Variants in CSMD1 observed in about 807,000 individuals in gnomAD.
CSMD1 encodes the protein CUB and sushi domain-containing protein 1.
CSMD1 carries 213 observed loss-of-function variants against 417.5 expected under a neutral mutation model. That is an observed-to-expected ratio of 0.51 (90% CI 0.46 to 0.57). The LOEUF (loss-of-function observed/expected upper bound fraction) is 0.57. Ranked by LOEUF, CSMD1 falls within the 20% of genes least tolerant of loss-of-function variation. The probability of loss-of-function intolerance (pLI) is 0.00; values close to 1 mark genes in which losing one functional copy is unlikely to be tolerated. For missense variants in CSMD1, 6,923 were observed against 4,529.7 expected (o/e 1.53, Z -15.17); for synonymous variants, 2,862 against 1,736.8 (o/e 1.65, Z -16.11).
At chr8:4,295,777 TATATATATATACAC>T (rs1165179664) in intron 3 of CSMD1, among the ~76,000 whole-genome samples, 7 of 91,098 alleles carry the variant, frequency 7.7e-5, no homozygotes, top group African/African-American at 2.2e-4. Flanking sequence ...TATATATATA[TATATATATATACAC>T]ACACACATCT....
chr8:3,307,613 T>G lies in CSMD1; in HGVS notation c.3950+82A>C, dbSNP rs532373987. ...AGTTCAGAAACTTTAACCATGGATA[T>G]TTGGTGTACCACTATCTCTGCTACA... On this transcript the variant is annotated intron_variant, in intron 25 of 69. Coordinates refer to ENST00000635120, the MANE Select transcript of CSMD1 (RefSeq NM_033225.6). 5.6e-5 allele frequency: 79 copies of G among 1,418,818 alleles called. No individual in the cohort carries two copies. The African/African-American group carries it at 8.9e-4, about 16-fold the overall frequency. The allele number at this position is 1,418,818 out of a possible 1,614,324, so 87.9% of individuals were successfully genotyped here. A position where few individuals can be genotyped will look rare whatever the true frequency, so the allele number is the denominator to read the frequency against.
Position 4,143,647 on chromosome 8 carries a change from T to C in CSMD1, c.416-111548A>G, listed in dbSNP as rs546722000. 1.3e-4 allele frequency among the ~76,000 whole-genome samples: 20 copies of C among 151,142 alleles called. 1 individual carries two copies. Among genetic ancestry groups the C allele is most frequent in the Admixed American group, 3.3e-4 (5 of 15,244 alleles). ...TACACCTGATACCGGAAGGAGAGCA[T>C]TGACTGTGAGTTCTCCAGGTTCTTG... On this transcript the variant is annotated intron_variant, in intron 3 of 69. Transcript: ENST00000635120.
At chr8:3,117,146 C>T (rs555291314) in intron 42 of CSMD1, among the ~76,000 whole-genome samples, 5 of 152,266 alleles carry the variant, frequency 3.3e-5, no homozygotes, top group Middle Eastern at 3.4e-3. Flanking sequence ...TCTCAGGGCA[C>T]TGCAACCTCA....
At chr8:3,985,005 C>G (rs754508805) in intron 5 of CSMD1, among the ~76,000 whole-genome samples, 67 of 151,950 alleles carry the variant, frequency 4.4e-4, no homozygotes, top group Non-Finnish European at 8.8e-5. Flanking sequence ...GGGAAAATCA[C>G]GGATCTCATA....
At chr8:4,507,724 G>C (rs1026310273) in intron 2 of CSMD1, among the ~76,000 whole-genome samples, 1 of 152,166 alleles carries the variant, frequency 6.6e-6, no homozygotes, top group South Asian at 2.1e-4. Flanking sequence ...ACATTTTCAA[G>C]CTAAGAGGTA....
chr8:3,384,020 A>G (rs1810806317), intron 18 of CSMD1, among the ~76,000 whole-genome samples: 2 of 152,108 alleles, frequency 1.3e-5, no homozygotes, highest in Non-Finnish European at 2.9e-5. Context: ...CACTAGTGCC[A>G]GACAATTAAG....
intron 1 of CSMD1, among the ~76,000 whole-genome samples, chr8:4,870,338 C>G (rs1350114517): frequency 6.6e-6 from 1 of 152,136 alleles, no homozygotes; most frequent in Non-Finnish European, 1.5e-5. Context: ...AGGCAACAAT[C>G]ATATTTTTAT....
intron 3 of CSMD1, among the ~76,000 whole-genome samples, chr8:4,110,076 G>A (rs1426228573): frequency 1.3e-5 from 2 of 152,264 alleles, no homozygotes; most frequent in East Asian, 3.9e-4. Context: ...TGATCACGTG[G>A]AATAATAAGC....
chr8:4,159,503 T>C (rs1365930616), intron 3 of CSMD1, among the ~76,000 whole-genome samples: 1 of 152,204 alleles, frequency 6.6e-6, no homozygotes, highest in African/African-American at 2.4e-5. Context: ...ATAAAGAAAC[T>C]GTGGTATATA....
At chr8:3,627,965 T>C (rs962429966) in intron 7 of CSMD1, among the ~76,000 whole-genome samples, 4 of 152,192 alleles carry the variant, frequency 2.6e-5, no homozygotes, top group Admixed American at 2.6e-4. Context: ...ACTTCACACT[T>C]CGCTAATATT....
chr8:3,650,287 AAAG>A (rs1391869246), intron 7 of CSMD1, among the ~76,000 whole-genome samples: 1 of 151,830 alleles, frequency 6.6e-6, no homozygotes, highest in African/African-American at 2.4e-5. Context: ...CAGAAAAAAA[AAAG>A]AAAAGTAAAG....
At chr8:3,071,397 T>C (rs948164582) in intron 49 of CSMD1, among the ~76,000 whole-genome samples, 2 of 152,128 alleles carry the variant, frequency 1.3e-5, no homozygotes, top group African/African-American at 4.8e-5. Context: ...AAATACCTAA[T>C]GAATGCAGGG....
intron 29 of CSMD1, among the ~76,000 whole-genome samples, chr8:3,215,217 T>C (rs1376667218): frequency 6.6e-6 from 1 of 152,218 alleles, no homozygotes; most frequent in Non-Finnish European, 1.5e-5. Context: ...ACTTAGAAGA[T>C]GAAGATGGAT....
At chr8:4,224,456 G>C (rs568884602) in intron 3 of CSMD1, among the ~76,000 whole-genome samples, 2 of 151,632 alleles carry the variant, frequency 1.3e-5, no homozygotes, top group African/African-American at 2.4e-5. Context: ...CAGAGGCCAG[G>C]TTGGGGAATA....
chr8:4,135,345 G>A (rs954829062), intron 3 of CSMD1, among the ~76,000 whole-genome samples: 5 of 28,098 alleles, frequency 1.8e-4, no homozygotes, highest in Non-Finnish European at 4.1e-4. Flanking sequence ...AAAGAAGGAA[G>A]GAAGGGAAAG....
chr8:4,467,563 A>C (rs191334002), intron 2 of CSMD1, among the ~76,000 whole-genome samples: 2 of 152,314 alleles, frequency 1.3e-5, no homozygotes, highest in South Asian at 2.1e-4. Flanking sequence ...AAAAATTGTT[A>C]TTTTAAGAAA....
intron 6 of CSMD1, among the ~76,000 whole-genome samples, chr8:3,738,446 A>G (rs1296218713): frequency 6.6e-6 from 1 of 152,176 alleles, no homozygotes. Context: ...TTTGGGGGAA[A>G]ATGACTTGAA....
At chr8:4,406,592 G>C (rs992766039) in intron 3 of CSMD1, among the ~76,000 whole-genome samples, 2 of 152,088 alleles carry the variant, frequency 1.3e-5, no homozygotes, top group East Asian at 1.9e-4. Flanking sequence ...AGACAGATAA[G>C]ACACCCACAC....
chr8:3,448,574 G>A (rs1381878297), intron 12 of CSMD1, among the ~76,000 whole-genome samples: 2 of 152,190 alleles, frequency 1.3e-5, no homozygotes, highest in East Asian at 1.9e-4. Context: ...TGTAGGAGTT[G>A]CTGTAAGTCC....
Sources: gnomAD v4.1 joint callset for allele counts (sites outside exome capture counted in the v4.1 genomes callset) on GRCh38, gnomAD v4.1.1 for gene constraint, MANE v1.5 for transcripts, NCBI Gene and HGNC (gene_info 2026-07-23, HGNC 2026-07-21) for gene names.